The following ASTN2 variants were observed in gnomAD, a reference collection of about 807,000 sequenced individuals.
ASTN2 encodes astrotactin 2, also known as astrotactin-2.
A neutral mutation model predicts 139.8 loss-of-function variants in ASTN2; 54 were observed. The observed-to-expected ratio is 0.39, with a 90% CI of 0.31 to 0.48. ASTN2 has a LOEUF of 0.48. Ranked by LOEUF, ASTN2 falls within the 20% of genes least tolerant of loss-of-function variation. The pLI is 0.95. For synonymous variants in ASTN2, 756 were observed against 719.5 expected (o/e 1.05, Z -0.81); for missense variants, 1,565 against 1,725.1 (o/e 0.91, Z 1.64).
chr9:116,805,109 A>AGTGTGTGTGTGTGTGTGTGTGTGT (rs10681699), intron 13 of ASTN2, among the ~76,000 whole-genome samples: 8 of 143,022 alleles, frequency 5.6e-5, no homozygotes, highest in African/African-American at 2.1e-4. Context: ...GGATTTGGGG[A>AGTGTGTGTGTGTGTGTGTGTGTGT]GTGTGTGTGT....
intron 13 of ASTN2, among the ~76,000 whole-genome samples, chr9:116,803,505 TA>T (rs1830935682): frequency 1.4e-3 from 10 of 7,064 alleles, no homozygotes; most frequent in Admixed American, 2.4e-3. Flanking sequence ...TATATATATA[TA>T]TATATATATA....
At chr9:116,592,799 T>A (rs1854428887) in intron 19 of ASTN2, among the ~76,000 whole-genome samples, 1 of 152,290 alleles carries the variant, frequency 6.6e-6, no homozygotes, top group African/African-American at 2.4e-5. Context: ...GGCCCATAGA[T>A]GGGAATCTCA....
chr9:117,352,501 C>T (rs1829419819), intron 1 of ASTN2, among the ~76,000 whole-genome samples: 1 of 152,116 alleles, frequency 6.6e-6, no homozygotes, highest in Non-Finnish European at 1.5e-5. Flanking sequence ...CCACAATTGG[C>T]CAACAGTTGT....
intron 18 of ASTN2, 102 bp downstream of exon 18, chr9:116,620,208 G>C (rs1481243353): frequency 6.5e-7 from 1 of 1,538,950 alleles, no homozygotes; most frequent in Non-Finnish European, 8.9e-7. Context: ...GATCTTGTTA[G>C]GCACCTTGGG....
chr9:116,549,567 A>G (rs573684552), intron 19 of ASTN2, among the ~76,000 whole-genome samples: 1 of 152,338 alleles, frequency 6.6e-6, no homozygotes, highest in Non-Finnish European at 1.5e-5. Flanking sequence ...CAATCCAGGC[A>G]GGAGGCAGGA....
intron 11 of ASTN2, among the ~76,000 whole-genome samples, chr9:116,821,119 A>G (rs1349333551): frequency 6.6e-6 from 1 of 152,142 alleles, no homozygotes; most frequent in Non-Finnish European, 1.5e-5. Flanking sequence ...TGCTGGGATC[A>G]TATTCATTAT....
chr9:116,546,938 G>A lies in ASTN2; in HGVS notation c.3356-59438C>T, dbSNP rs140008401. Among the ~76,000 whole-genome samples the A allele has an allele frequency of 6.0e-3, 908 of 152,300 alleles. 11 individuals are homozygous for A. Among genetic ancestry groups the A allele is most frequent in the African/African-American group, 0.021 (863 of 41,562 alleles). ...CTCTTTGTACTTTACCCAGCTGCCCGCAGCTTCTATGAGAGTGTCTGCAGG... is the reference window on the plus strand; with the variant it reads ...CTCTTTGTACTTTACCCAGCTGCCCACAGCTTCTATGAGAGTGTCTGCAGG... On this transcript the variant is annotated intron_variant, in intron 19 of 22. Transcript: ENST00000313400.
At chr9:116,474,526 C>G (rs1269168684) in intron 20 of ASTN2, among the ~76,000 whole-genome samples, 2 of 152,194 alleles carry the variant, frequency 1.3e-5, no homozygotes, top group Non-Finnish European at 2.9e-5. Context: ...GTAATCCCTG[C>G]AGTCCACTAA....
chr9:117,121,734 G>A (rs549309052), intron 4 of ASTN2, among the ~76,000 whole-genome samples: 16 of 152,326 alleles, frequency 1.1e-4, no homozygotes, highest in African/African-American at 3.4e-4. Context: ...TCATCTCATT[G>A]TTCTGCTGGC....
At chr9:116,623,389 A>C (rs1237018911) in intron 17 of ASTN2, among the ~76,000 whole-genome samples, 1 of 152,114 alleles carries the variant, frequency 6.6e-6, no homozygotes, top group African/African-American at 2.4e-5. Flanking sequence ...TGGCCAGGCA[A>C]ACACTGGTTA....
At chr9:116,859,671 C>G (rs1488406852) in intron 11 of ASTN2, among the ~76,000 whole-genome samples, 1 of 152,214 alleles carries the variant, frequency 6.6e-6, no homozygotes, top group Middle Eastern at 3.2e-3. Flanking sequence ...GTCCCATCCT[C>G]TATCCTTACC....
intron 3 of ASTN2, among the ~76,000 whole-genome samples, chr9:117,193,528 C>T (rs964189136): frequency 6.7e-6 from 1 of 149,740 alleles, no homozygotes. Flanking sequence ...ATCCCAGCTA[C>T]TGAGGAGGCT....
chr9:117,282,183 T>C (rs1341957459), intron 2 of ASTN2, among the ~76,000 whole-genome samples: 1 of 152,260 alleles, frequency 6.6e-6, no homozygotes, highest in African/African-American at 2.4e-5. Flanking sequence ...GTTTCTTCTT[T>C]ATTTCTCTCC....
chr9:117,072,699 A>T (rs1256149436), intron 5 of ASTN2, among the ~76,000 whole-genome samples: 1 of 152,208 alleles, frequency 6.6e-6, no homozygotes, highest in Non-Finnish European at 1.5e-5. Context: ...GTTGTGAAAT[A>T]TCATGACACA....
intron 10 of ASTN2, among the ~76,000 whole-genome samples, chr9:116,870,845 G>A (rs10817947): frequency 0.078 from 11,936 of 152,178 alleles, 743 homozygotes; most frequent in East Asian, 0.3. Flanking sequence ...AATGGATGAT[G>A]CCAAGCCAAG....
At chr9:117,008,723 A>G (rs1049468702) in intron 6 of ASTN2, among the ~76,000 whole-genome samples, 4 of 152,186 alleles carry the variant, frequency 2.6e-5, no homozygotes, top group African/African-American at 9.7e-5. Context: ...GGAAAAGAAA[A>G]AAGCTAATGT....
intron 10 of ASTN2, among the ~76,000 whole-genome samples, chr9:116,918,001 G>T (rs1322909159): frequency 6.6e-6 from 1 of 152,124 alleles, no homozygotes; most frequent in Non-Finnish European, 1.5e-5. Context: ...TCTCATGATA[G>T]TGAATAAGTC....
chr9:117,024,447 G>A (rs938342162), intron 6 of ASTN2, among the ~76,000 whole-genome samples: 7 of 151,656 alleles, frequency 4.6e-5, no homozygotes, highest in Non-Finnish European at 8.8e-5. Flanking sequence ...TCCTGAATAG[G>A]GAACAGATCT....
intron 10 of ASTN2, among the ~76,000 whole-genome samples, chr9:116,918,044 C>T (rs1189939925): frequency 1.3e-5 from 2 of 152,074 alleles, no homozygotes; most frequent in East Asian, 1.9e-4. Context: ...CAGGGGTTTC[C>T]GCTTTTGCTT....
Sources: gnomAD v4.1 joint callset for allele counts (sites outside exome capture counted in the v4.1 genomes callset) on GRCh38, gnomAD v4.1.1 for gene constraint, MANE v1.5 for transcripts, NCBI Gene and HGNC (gene_info 2026-07-23, HGNC 2026-07-21) for gene names.